Variants in ABCC1 observed in about 807,000 individuals in gnomAD.
ABCC1 encodes the protein ATP binding cassette subfamily C member 1 (ABCC1 blood group).
A neutral mutation model predicts 172.9 loss-of-function variants in ABCC1; 83 were observed. The ratio of observed to expected loss-of-function variants is 0.48; its 90% confidence interval spans 0.40 to 0.58. The LOEUF (loss-of-function observed/expected upper bound fraction) is 0.58, where lower values mean the gene tolerates loss of function less well. Among genes scored for constraint, ABCC1 ranks in the 20% least tolerant of loss-of-function variants. The pLI, the probability that ABCC1 is intolerant of heterozygous loss-of-function variation, is 0.00. For synonymous variants in ABCC1, 937 were observed against 825.2 expected (o/e 1.14, Z -2.32); for missense variants, 1,817 against 2,002.7 (o/e 0.91, Z 1.77).
rs142978681 is a variant in ABCC1 at position 16,016,741 on chromosome 16, A to T, written c.615+120A>T. The T allele has an allele frequency of 1.2e-4, 164 of 1,379,438 alleles. 1 individual carries two copies. In the East Asian group the frequency reaches 3.7e-3, roughly 31 times the overall value. The allele number at this position is 1,379,438 out of a possible 1,614,324, so 85.4% of individuals were successfully genotyped here. ...TCGTTCCAGCCTCCCTCAACCCCTG[A>T]TACAGGGAATATCATCCCACCTACT... On this transcript the variant is annotated intron_variant, in intron 5 of 30. Transcript: ENST00000399410.
intron 1 of ABCC1, among the ~76,000 whole-genome samples, chr16:15,998,424 G>T (rs879557716): frequency 6.6e-6 from 1 of 152,200 alleles, no homozygotes; most frequent in African/African-American, 2.4e-5. Flanking sequence ...ACTGTGCCCG[G>T]TCCTCAGATG....
intron 7 of ABCC1, among the ~76,000 whole-genome samples, chr16:16,041,587 A>T (rs1368674550): frequency 6.6e-6 from 1 of 152,118 alleles, no homozygotes; most frequent in African/African-American, 2.4e-5. Context: ...GGAGAGAGTG[A>T]GAAGGAAAAC....
At chr16:16,123,197 C>T (rs1301877284) in intron 24 of ABCC1, among the ~76,000 whole-genome samples, 1 of 152,050 alleles carries the variant, frequency 6.6e-6, no homozygotes, top group Non-Finnish European at 1.5e-5. Flanking sequence ...CTGTGTCTGT[C>T]GGAGTAGTGA....
intron 20 of ABCC1, among the ~76,000 whole-genome samples, chr16:16,104,229 T>G (rs536823772): frequency 7.9e-5 from 12 of 152,258 alleles, no homozygotes; most frequent in Non-Finnish European, 1.2e-4. Context: ...CCCCAGTAGG[T>G]GGCCACTGCT....
chr16:16,121,851 C>T lies in ABCC1; in HGVS notation c.3391-124C>T, dbSNP rs538627449. Reference sequence around the variant, plus strand: ...AGTGGGCACCCCTGTGAGGGCAGCCCGGCTCTAACATTTTGCCTCCTGGAG... The same window carrying T: ...AGTGGGCACCCCTGTGAGGGCAGCCTGGCTCTAACATTTTGCCTCCTGGAG... On this transcript the variant is annotated intron_variant, in intron 23 of 30. Transcript: ENST00000399410. 6.5e-4 allele frequency: 636 copies of T among 975,998 alleles called. 1 individual carries two copies. Among genetic ancestry groups the T allele is most frequent in the South Asian group, 9.3e-4 (58 of 62,242 alleles). 60.5% of individuals were successfully genotyped at this position (975,998 alleles called of 1,614,324 possible). A position where few individuals can be genotyped will look rare whatever the true frequency, so the allele number is the denominator to read the frequency against.
At chr16:15,984,159 T>C (rs533680054) in intron 1 of ABCC1, among the ~76,000 whole-genome samples, 1 of 152,246 alleles carries the variant, frequency 6.6e-6, no homozygotes, top group African/African-American at 2.4e-5. Flanking sequence ...GTGAATACAG[T>C]GGGTTCCACC....
At chr16:16,089,534 C>A (rs1448888894) in intron 18 of ABCC1, among the ~76,000 whole-genome samples, 1 of 143,120 alleles carries the variant, frequency 7.0e-6, no homozygotes, top group Non-Finnish European at 1.5e-5. Flanking sequence ...GGCGACAGAG[C>A]GAGACCCTAT....
At chr16:16,087,751 AC>A (rs1282711609) in intron 18 of ABCC1, among the ~76,000 whole-genome samples, 1 of 152,144 alleles carries the variant, frequency 6.6e-6, no homozygotes, top group Non-Finnish European at 1.5e-5. Flanking sequence ...GAGCCACCAC[AC>A]CCGGCTGTTT....
In ABCC1 at chr16:16,115,026, A is replaced by G; in HGVS notation, c.3340A>G (p.Ile1114Val). 1 of 1,614,210 alleles carries G rather than the reference A, an allele frequency of 6.2e-7. No homozygotes were observed. The highest frequency in any genetic ancestry group is 1.3e-5 in the African/African-American group (1 of 75,054). ...ACIVILLATP[I>V]AAIIIPPLGL... ...CATCGTTATCCTGCTGGCCACGCCC[A>G]TCGCCGCCATCATCATCCCGCCCCT... is the stretch of plus-strand genomic sequence containing the variant. Residue 1114 changes from isoleucine (I) to valine (V), a missense_variant, in exon 23 of 31, where the codon ATC (isoleucine) becomes GTC (valine). This residue lies in a region of ABCC1 where 1,412 missense variants were observed against 1,600.3 expected (regional missense o/e 0.88). Coordinates refer to ENST00000399410, the MANE Select transcript of ABCC1 (RefSeq NM_004996.4).
At chr16:15,978,942 C>T (rs1567283673) in intron 1 of ABCC1, among the ~76,000 whole-genome samples, 1 of 152,062 alleles carries the variant, frequency 6.6e-6, no homozygotes, top group Non-Finnish European at 1.5e-5. Flanking sequence ...GTGAGAAACC[C>T]TGGGCTTATT....
chr16:15,990,602 T>G (rs1166503937), intron 1 of ABCC1, among the ~76,000 whole-genome samples: 2 of 152,118 alleles, frequency 1.3e-5, no homozygotes, highest in African/African-American at 2.4e-5. Flanking sequence ...CTTATTTCAT[T>G]TAGCATAATG....
At chr16:15,980,006 A>C (rs1000226713) in intron 1 of ABCC1, among the ~76,000 whole-genome samples, 2 of 152,116 alleles carry the variant, frequency 1.3e-5, no homozygotes, top group African/African-American at 4.8e-5. Flanking sequence ...CAGTACATTC[A>C]CTGCGCTAAA....
At chr16:16,033,269 C>G (rs1488957493) in intron 6 of ABCC1, 99 bp downstream of exon 6, 2 of 1,198,282 alleles carry the variant, frequency 1.7e-6, no homozygotes, top group Non-Finnish European at 2.5e-6. Context: ...CCAACTTCTC[C>G]CTCCTTTGCT....
chr16:16,036,533 G>A lies in ABCC1; in HGVS notation c.739G>A (p.Glu247Lys), dbSNP rs1241011030. ...EGSDLWSLNK[E>K]DTSEQVVPVL... ...CAGTGACCTCTGGTCCTTAAACAAGGAGGACACGTCGGAACAAGTCGTGCC... is the reference window on the plus strand; with the variant it reads ...CAGTGACCTCTGGTCCTTAAACAAGAAGGACACGTCGGAACAAGTCGTGCC... The change falls in exon 7 of 31, where the codon GAG becomes AAG. Residue 247 changes from glutamate (E) to lysine (K), a missense_variant. Glu to Lys is a moderately conservative substitution (Grantham distance 56, BLOSUM62 1). Coordinates refer to ENST00000399410, the MANE Select transcript of ABCC1 (RefSeq NM_004996.4). The A allele has an allele frequency of 1.2e-6, 2 of 1,614,100 alleles. No individual in the cohort carries two copies. The highest frequency in any genetic ancestry group is 1.7e-6 in the Non-Finnish European group (2 of 1,179,964).
intron 11 of ABCC1, 127 bp from the exon 12 acceptor site, chr16:16,055,965 A>AG (rs1369866028): frequency 2.3e-6 from 2 of 854,846 alleles, no homozygotes; most frequent in Non-Finnish European, 3.5e-6. Context: ...AAAAAAAAAA[A>AG]TCAATATAAA....
intron 18 of ABCC1, among the ~76,000 whole-genome samples, chr16:16,089,945 T>C (rs2051174536): frequency 6.6e-6 from 1 of 152,116 alleles, no homozygotes; most frequent in African/African-American, 2.4e-5. Flanking sequence ...TTTATTCCTT[T>C]ACACACTTGT....
chr16:16,106,704 G>C (rs754250125), intron 20 of ABCC1, 34 bp from the exon 21 acceptor site: 6 of 1,613,324 alleles, frequency 3.7e-6, no homozygotes, highest in Non-Finnish European at 5.1e-6. Context: ...CAAGGCATCT[G>C]TACGGTTGAC....
At chr16:16,121,923 G>T (rs906868122) in intron 23 of ABCC1, 52 bp from the exon 24 acceptor site, 1 of 1,583,990 alleles carries the variant, frequency 6.3e-7, no homozygotes, top group African/African-American at 1.3e-5. Context: ...TGCCCTGGGA[G>T]GATGGCAGGA....
intron 7 of ABCC1, among the ~76,000 whole-genome samples, chr16:16,037,748 A>C (rs138627696): frequency 6.6e-6 from 1 of 152,142 alleles, no homozygotes; most frequent in Non-Finnish European, 1.5e-5. Flanking sequence ...TCCTCATTCT[A>C]TTCCGGGGAT....
Sources: allele counts gnomAD v4.1 joint callset (sites outside exome capture counted in the v4.1 genomes callset), GRCh38; gene constraint gnomAD v4.1.1; regional missense constraint gnomAD v4.1.1; transcripts MANE v1.5; gene names NCBI Gene and HGNC (gene_info 2026-07-23, HGNC 2026-07-21).